ASH1L: variants seen among roughly 807,000 people sequenced by gnomAD.
The protein encoded by ASH1L is histone-lysine N-methyltransferase ASH1L.
In ASH1L, 23 loss-of-function variants were observed where a neutral mutation model predicts 269.0. The ratio of observed to expected loss-of-function variants is 0.09; its 90% CI spans 0.06 to 0.12. The LOEUF (loss-of-function observed/expected upper bound fraction) is 0.12. Among genes scored for constraint, ASH1L ranks in the 10% least tolerant of loss-of-function variants. ASH1L has a pLI of 1.00. For synonymous variants in ASH1L, 1,187 were observed against 1,253.5 expected (o/e 0.95, Z 1.12); for missense variants, 2,912 against 3,567.8 (o/e 0.82, Z 4.68).
intron 10 of ASH1L, among the ~76,000 whole-genome samples, chr1:155,374,085 T>C (rs1334774321): frequency 6.6e-6 from 1 of 152,134 alleles, no homozygotes; most frequent in African/African-American, 2.4e-5. Flanking sequence ...TCCCAGCACT[T>C]TGGGGGGCAG....
At chr1:155,492,099 A>G (rs1666842767) in intron 2 of ASH1L, among the ~76,000 whole-genome samples, 1 of 144,134 alleles carries the variant, frequency 6.9e-6, no homozygotes, top group Admixed American at 7.2e-5. Flanking sequence ...GCAATGGTGC[A>G]ATCTTGGCTC....
intron 12 of ASH1L, among the ~76,000 whole-genome samples, chr1:155,361,518 C>CAATAAA (rs1654939688): frequency 2.7e-5 from 1 of 36,380 alleles, no homozygotes; most frequent in African/African-American, 1.3e-4. Context: ...CTCCATCTCA[C>CAATAAA]AAAAAAAAAA....
At chr1:155,471,419 G>C (rs1665087899) in intron 3 of ASH1L, among the ~76,000 whole-genome samples, 1 of 152,212 alleles carries the variant, frequency 6.6e-6, no homozygotes, top group East Asian at 1.9e-4. Context: ...AACCTCAAGG[G>C]AGTGGAGAAC....
chr1:155,510,464 AAAG>A (rs1471421465), intron 2 of ASH1L, among the ~76,000 whole-genome samples: 27 of 151,786 alleles, frequency 1.8e-4, no homozygotes, highest in Non-Finnish European at 3.7e-4. Flanking sequence ...TCCAAGGGCT[AAAG>A]AAGTTCTCAT....
At chr1:155,492,223 T>C (rs1232622181) in intron 2 of ASH1L, among the ~76,000 whole-genome samples, 1 of 151,520 alleles carries the variant, frequency 6.6e-6, no homozygotes, top group East Asian at 2.0e-4. Context: ...TAATTCTGTA[T>C]TTTTGGTAGA....
Position 155,505,229 on chromosome 1 carries a change from T to C in ASH1L, c.420+15871A>G, listed in dbSNP as rs190142539. On this transcript the variant is annotated intron_variant, in intron 2 of 27. Coordinates refer to ENST00000392403, the MANE Select transcript of ASH1L (RefSeq NM_018489.3). ...ATCCTAAGTGTGCATTTTCCCTTTA[T>C]TATTTACTTTGTCCCAAAAGCCTTT... 7.0e-4 allele frequency among the ~76,000 whole-genome samples: 106 copies of C among 152,354 alleles called. No individual in the cohort carries two copies. In the East Asian group the frequency reaches 8.9e-3, roughly 13 times the overall value.
At chr1:155,390,804 CCTGG>C (rs777104501) in intron 7 of ASH1L, among the ~76,000 whole-genome samples, 1 of 151,948 alleles carries the variant, frequency 6.6e-6, no homozygotes, top group Non-Finnish European at 1.5e-5. Context: ...CGCCACCACG[CCTGG>C]CTAATTATTT....
At chr1:155,346,044 G>A (rs1653279780) in intron 21 of ASH1L, 3 of 619,770 alleles carry the variant, frequency 4.8e-6, no homozygotes, top group Non-Finnish European at 5.0e-6. Context: ...GTGTTGCCCA[G>A]GCTGGTCTCG....
In ASH1L at chr1:155,478,807, T is replaced by C; in HGVS notation, c.4063A>G (p.Lys1355Glu). 1 of 1,614,144 alleles carries C rather than the reference T, an allele frequency of 6.2e-7. No homozygotes were observed. Among genetic ancestry groups the C allele is most frequent in the Non-Finnish European group, 8.5e-7 (1 of 1,180,024 alleles). ...ATTTCAGCCATTGCCTCCCTCATCTTAGGGGGTCTCCCTCTTTTCTTTTTT... is the reference window on the plus strand; with the variant it reads ...ATTTCAGCCATTGCCTCCCTCATCTCAGGGGGTCTCCCTCTTTTCTTTTTT... ...DLKKKRGRPP[K>E]MREAMAEMPF... Residue 1355 changes from lysine (K) to glutamate (E), a missense_variant, in exon 3 of 28, where the codon AAG becomes GAG. Lys to Glu is a moderately conservative substitution (Grantham distance 56). This residue lies in a region of ASH1L where 789 missense variants were observed against 897.6 expected (regional missense o/e 0.88). Transcript: ENST00000392403. This position sits in a 1 kb window ranked among gnomAD's most constrained non-coding sequence, Gnocchi z 4.6.
Position 155,357,595 on chromosome 1 carries a change from A to G in ASH1L, c.6950T>C (p.Leu2317Pro), listed in dbSNP as rs773531429. 1.4e-5 allele frequency: 23 copies of G among 1,613,930 alleles called. No homozygotes were observed. The Admixed American group carries it at 3.7e-4, about 26-fold the overall frequency. Reference sequence around the variant, plus strand: ...TAGATAATTATTCACCCTTTTCTTCAGCTTGTGCTTAGACTTTCTCTTCTC... The same window carrying G: ...TAGATAATTATTCACCCTTTTCTTCGGCTTGTGCTTAGACTTTCTCTTCTC... ...SKEKRKSKHK[L>P]KKRRGHLSEE... Residue 2317 changes from leucine to proline, a missense_variant, in exon 14 of 28, where the codon CTG becomes CCG. Leu to Pro is a moderately conservative substitution (Grantham distance 98). This residue lies in a region of ASH1L where 309 missense variants were observed against 435.1 expected (regional missense o/e 0.71). Transcript: ENST00000392403.
intron 4 of ASH1L, among the ~76,000 whole-genome samples, chr1:155,441,186 C>T (rs560928859): frequency 6.6e-6 from 1 of 152,122 alleles, no homozygotes; most frequent in Non-Finnish European, 1.5e-5. Flanking sequence ...AAGTTGTAGT[C>T]TAGTCCCTCT....
At chr1:155,386,235 T>C (rs192772585) in intron 7 of ASH1L, among the ~76,000 whole-genome samples, 38 of 152,058 alleles carry the variant, frequency 2.5e-4, no homozygotes, top group African/African-American at 8.9e-4. Context: ...GCCCAACTAA[T>C]TTTTTTGTAT....
rs1158967184 is a variant in ASH1L at position 155,343,808 on chromosome 1, T to G, written c.7982-66A>C. The G allele has an allele frequency of 6.4e-7, 1 of 1,570,430 alleles. No homozygotes were observed. The highest frequency in any genetic ancestry group is 1.4e-5 in the African/African-American group (1 of 73,590). On this transcript the variant is annotated intron_variant, in intron 22 of 27. Transcript: ENST00000392403. This position sits in a 1 kb window ranked among gnomAD's most constrained non-coding sequence, Gnocchi z 6.1. ...TTGTATGAATTCTGTTAGGCATCTGTTTATCTGACTCAGGGTCTACATAGA... is the reference window on the plus strand; with the variant it reads ...TTGTATGAATTCTGTTAGGCATCTGGTTATCTGACTCAGGGTCTACATAGA...
chr1:155,462,809 A>G (rs1350164533), intron 3 of ASH1L, among the ~76,000 whole-genome samples: 1 of 152,170 alleles, frequency 6.6e-6, no homozygotes, highest in Non-Finnish European at 1.5e-5. Flanking sequence ...ACAATATTCC[A>G]TATTTAAAAA....
chr1:155,501,557 G>A (rs1357534160), intron 2 of ASH1L, among the ~76,000 whole-genome samples: 1 of 152,172 alleles, frequency 6.6e-6, no homozygotes, highest in Non-Finnish European at 1.5e-5. Flanking sequence ...TTTTAGTAGA[G>A]ACCAGGTTTT....
chr1:155,381,919 C>G (rs547158152), intron 7 of ASH1L, among the ~76,000 whole-genome samples: 1 of 151,912 alleles, frequency 6.6e-6, no homozygotes, highest in South Asian at 2.1e-4. Context: ...AACAAAAAAA[C>G]AGCCTTGCCA....
chr1:155,531,548 G>GA (rs1355444079), intron 1 of ASH1L, among the ~76,000 whole-genome samples: 1 of 150,756 alleles, frequency 6.6e-6, no homozygotes, highest in African/African-American at 2.4e-5. Flanking sequence ...TTTTAAAAAT[G>GA]AAAAAAAATT....
At chr1:155,475,699 T>A (rs1665485395) in intron 3 of ASH1L, among the ~76,000 whole-genome samples, 1 of 152,258 alleles carries the variant, frequency 6.6e-6, no homozygotes, top group Admixed American at 6.5e-5. Flanking sequence ...TAGTCCTGTA[T>A]GTTTCAGGAA....
rs1333351934 is a variant in ASH1L at position 155,479,332 on chromosome 1, G to C, written c.3538C>G (p.Leu1180Val). The C allele has an allele frequency of 1.3e-5, 21 of 1,614,034 alleles. No homozygotes were observed. Among genetic ancestry groups the C allele is most frequent in the Non-Finnish European group, 1.8e-5 (21 of 1,180,024 alleles). Reference sequence around the variant, plus strand: ...ATTGGGGAAGGAGTAGCTTCTTTTAGAGATGTGAGTTCACTCAAGTGCGAA... The same window carrying C: ...ATTGGGGAAGGAGTAGCTTCTTTTACAGATGTGAGTTCACTCAAGTGCGAA... ...SPSHLSELTS[L>V]KEATPSPISE... The change falls in exon 3 of 28, where the codon CTA becomes GTA. Residue 1180 changes from leucine (L) to valine (V), a missense_variant. Physicochemically the swap from Leu to Val is conservative, Grantham distance 32. Transcript: ENST00000392403.
Sources: gnomAD v4.1 joint callset for allele counts (sites outside exome capture counted in the v4.1 genomes callset) on GRCh38, gnomAD v4.1.1 for gene constraint, gnomAD v4.1.1 regional missense constraint, Gnocchi (gnomAD v3.1) non-coding constraint, MANE v1.5 for transcripts, NCBI Gene and HGNC (gene_info 2026-07-23, HGNC 2026-07-21) for gene names.